The following CFAP54 variants were observed in gnomAD, a reference collection of about 807,000 sequenced individuals.
The protein encoded by CFAP54 is cilia- and flagella-associated protein 54.
A neutral mutation model predicts 370.4 loss-of-function variants in CFAP54; 290 were observed. The ratio of observed to expected loss-of-function variants is 0.78; its 90% confidence interval spans 0.71 to 0.86. The LOEUF (loss-of-function observed/expected upper bound fraction) is 0.86. Among genes scored for constraint, CFAP54 ranks in the 40% least tolerant of loss-of-function variants. The probability of loss-of-function intolerance (pLI) is 0.00; values close to 1 mark genes in which losing one functional copy is unlikely to be tolerated. For missense variants in CFAP54, 3,399 were observed against 3,528.7 expected, an observed-to-expected ratio of 0.96 and a Z score of 0.93; for synonymous variants, 1,206 against 1,236.5, an observed-to-expected ratio of 0.98 and a Z score of 0.52.
intron 36 of CFAP54, among the ~76,000 whole-genome samples, chr12:96,656,491 C>T (rs1258722511): frequency 6.6e-6 from 1 of 152,202 alleles, no homozygotes; most frequent in African/African-American, 2.4e-5. Flanking sequence ...GATTCATTCT[C>T]CTGCCTCAGC....
At chr12:96,661,020 C>T (rs570798546) in intron 38 of CFAP54, among the ~76,000 whole-genome samples, 2 of 152,216 alleles carry the variant, frequency 1.3e-5, no homozygotes, top group East Asian at 3.9e-4. Context: ...ATCCACCAGC[C>T]TCCGGGAACC....
intron 50 of CFAP54, among the ~76,000 whole-genome samples, chr12:96,731,829 G>A (rs959877035): frequency 2.0e-5 from 3 of 151,832 alleles, no homozygotes; most frequent in Non-Finnish European, 4.4e-5. Flanking sequence ...GAACAAAGTA[G>A]GAAAAGTTCA....
chr12:96,656,646 G>A (rs371479190), intron 36 of CFAP54, among the ~76,000 whole-genome samples: 7 of 152,342 alleles, frequency 4.6e-5, no homozygotes, highest in East Asian at 1.9e-4. Flanking sequence ...CTCCCGAAAT[G>A]CTGGGATTAC....
At chr12:96,595,555 AG>A (rs1956168924) in intron 25 of CFAP54, among the ~76,000 whole-genome samples, 1 of 152,154 alleles carries the variant, frequency 6.6e-6, no homozygotes, top group Non-Finnish European at 1.5e-5. Context: ...AAACATTTTT[AG>A]TACATGATCA....
intron 14 of CFAP54, among the ~76,000 whole-genome samples, chr12:96,544,269 C>A (rs1955613066): frequency 6.6e-6 from 1 of 152,104 alleles, no homozygotes; most frequent in African/African-American, 2.4e-5. Context: ...AATAAGCATA[C>A]CTTTTGTTAA....
At chr12:96,761,524 G>GTT (rs34913235) in intron 58 of CFAP54, among the ~76,000 whole-genome samples, 13 of 151,410 alleles carry the variant, frequency 8.6e-5, no homozygotes, top group Middle Eastern at 3.4e-3. Context: ...AGATTGTGGG[G>GTT]TTTTTTTTGC....
chr12:96,529,006 C>T (rs192106905), intron 9 of CFAP54, among the ~76,000 whole-genome samples: 124 of 152,136 alleles, frequency 8.2e-4, no homozygotes, highest in African/African-American at 2.9e-3. Flanking sequence ...TTTTCTAATA[C>T]GCAGTGTGAT....
At chr12:96,591,916 T>C (rs972285401) in intron 23 of CFAP54, among the ~76,000 whole-genome samples, 5 of 151,676 alleles carry the variant, frequency 3.3e-5, no homozygotes, top group African/African-American at 1.2e-4. Context: ...AAATATTTTT[T>C]TTTTTTTGTG....
intron 8 of CFAP54, among the ~76,000 whole-genome samples, chr12:96,522,530 T>TGAGCAGGC (rs1439524533): frequency 6.6e-6 from 1 of 152,194 alleles, no homozygotes; most frequent in African/African-American, 2.4e-5. Context: ...TAGGGTTAGC[T>TGAGCAGGC]GAGCAGGCGA....
chr12:96,573,135 A>G (rs922533011), intron 19 of CFAP54: 2 of 733,298 alleles, frequency 2.7e-6, no homozygotes, highest in Non-Finnish European at 3.3e-6. Flanking sequence ...ATCCCGAGGA[A>G]GGATATGTCT....
intron 58 of CFAP54, among the ~76,000 whole-genome samples, chr12:96,760,657 C>T (rs527581622): frequency 5.5e-4 from 83 of 152,278 alleles, no homozygotes; most frequent in South Asian, 3.7e-3. Flanking sequence ...CTCAGCTTCC[C>T]GAGTAGCTCG....
At chr12:96,865,652 A>G (rs1959982166) in intron 67 of CFAP54, among the ~76,000 whole-genome samples, 1 of 152,090 alleles carries the variant, frequency 6.6e-6, no homozygotes, top group Admixed American at 6.6e-5. Context: ...CTTCTTTTGC[A>G]TACATAATGT....
intron 26 of CFAP54, among the ~76,000 whole-genome samples, chr12:96,621,349 G>A (rs573898521): frequency 6.6e-6 from 1 of 152,304 alleles, no homozygotes; most frequent in East Asian, 1.9e-4. Flanking sequence ...GATATGGGAA[G>A]TTTGTTATTG....
chr12:96,561,805 T>A (rs1955819892), intron 17 of CFAP54, among the ~76,000 whole-genome samples: 1 of 148,014 alleles, frequency 6.8e-6, no homozygotes, highest in East Asian at 2.0e-4. Flanking sequence ...GATGGAGTCT[T>A]ACTCTGTCAC....
intron 17 of CFAP54, among the ~76,000 whole-genome samples, chr12:96,555,693 A>C (rs1955744441): frequency 6.6e-6 from 1 of 151,540 alleles, no homozygotes; most frequent in Non-Finnish European, 1.5e-5. Context: ...AATCTAACCA[A>C]AGAGCTACAA....
At chr12:96,682,390 CGAG>C (rs1957282969) in intron 40 of CFAP54, 1 of 815,716 alleles carries the variant, frequency 1.2e-6, no homozygotes, top group Admixed American at 6.3e-5. Flanking sequence ...TTTTTTGAGA[CGAG>C]GTCTCATTTT....
At chr12:96,491,083 A>G (rs185554932) in intron 1 of CFAP54, among the ~76,000 whole-genome samples, 3 of 152,094 alleles carry the variant, frequency 2.0e-5, no homozygotes, top group Non-Finnish European at 4.4e-5. Context: ...GGATCCTCCC[A>G]CCTTGACCTC....
At chr12:96,515,893 G>A (rs1194340676) in intron 5 of CFAP54, among the ~76,000 whole-genome samples, 4 of 149,192 alleles carry the variant, frequency 2.7e-5, no homozygotes, top group African/African-American at 9.9e-5. Context: ...TTTGAGAAAG[G>A]TGCTGTCATT....
intron 51 of CFAP54, among the ~76,000 whole-genome samples, chr12:96,741,265 CA>C (rs1429234471): frequency 2.0e-5 from 3 of 151,882 alleles, no homozygotes; most frequent in African/African-American, 7.3e-5. Flanking sequence ...CTCCTGGGTT[CA>C]AGCAATTCTC....
Sources: allele counts gnomAD v4.1 joint callset (sites outside exome capture counted in the v4.1 genomes callset), GRCh38; gene constraint gnomAD v4.1.1; transcripts MANE v1.5; gene names NCBI Gene and HGNC (gene_info 2026-07-23, HGNC 2026-07-21).